The following GTPBP10 variants were observed in gnomAD, a reference collection of about 807,000 sequenced individuals.
GTPBP10 encodes GTP binding protein 10.
In GTPBP10, 38 loss-of-function variants were observed where a neutral mutation model predicts 44.8. The observed-to-expected ratio is 0.85, with a 90% CI of 0.65 to 1.11. The LOEUF is 1.11. Among genes scored for constraint, GTPBP10 ranks in the 50% most tolerant of loss-of-function variants. The pLI, the probability that GTPBP10 is intolerant of heterozygous loss-of-function variation, is 0.00. For synonymous variants in GTPBP10, 152 were observed against 150.6 expected, an observed-to-expected ratio of 1.01 and a Z score of -0.07; for missense variants, 462 against 453.7, an observed-to-expected ratio of 1.02 and a Z score of -0.17.
chr7:90,352,359 G>T (rs757237980), intron 1 of GTPBP10, among the ~76,000 whole-genome samples: 15 of 152,210 alleles, frequency 9.9e-5, no homozygotes, highest in Non-Finnish European at 1.8e-4. Flanking sequence ...CAACTGATAT[G>T]TAAGAACAAG....
intron 8 of GTPBP10, among the ~76,000 whole-genome samples, chr7:90,381,796 G>T (rs1382078553): frequency 2.0e-5 from 3 of 152,100 alleles, no homozygotes; most frequent in South Asian, 4.1e-4. Flanking sequence ...AAGGTACCTA[G>T]AACACACAGT....
At chr7:90,367,970 G>A (rs900847360) in intron 4 of GTPBP10, among the ~76,000 whole-genome samples, 1 of 152,154 alleles carries the variant, frequency 6.6e-6, no homozygotes, top group South Asian at 2.1e-4. Flanking sequence ...TTGTAAGGCA[G>A]GCCTGGTGTT....
chr7:90,350,818 A>G (rs946861668), intron 1 of GTPBP10, among the ~76,000 whole-genome samples: 2 of 152,196 alleles, frequency 1.3e-5, no homozygotes, highest in African/African-American at 4.8e-5. Context: ...CATCGCAGCT[A>G]CAGATTTTAA....
Position 90,354,453 on chromosome 7 carries a change from G to T in GTPBP10, c.228-5G>T. 4.0e-6 allele frequency: 6 copies of T among 1,489,164 alleles called. No individual in the cohort carries two copies. The Admixed American group carries it at 6.3e-5, about 16-fold the overall frequency. The allele number at this position is 1,489,164 out of a possible 1,614,324, so 92.2% of individuals were successfully genotyped here. On this transcript the variant is annotated splice_polypyrimidine_tract_variant and splice_region_variant and intron_variant, in intron 2 of 9. Coordinates refer to ENST00000222511, the MANE Select transcript of GTPBP10 (RefSeq NM_033107.4). ...ACATACATATATATACTTTTTTTTT[G>T]GTAGAATTAGTGCACTGAAAGGCTC...
chr7:90,355,235 G>T lies in GTPBP10; in HGVS notation c.464+5G>T. ...AGCTGATGTAGGCCTAGTAGGGTAAGTATCGTTCATATTTTTATTATTATA... is the reference window on the plus strand; with the variant it reads ...AGCTGATGTAGGCCTAGTAGGGTAATTATCGTTCATATTTTTATTATTATA... On this transcript the variant is annotated splice_donor_5th_base_variant and intron_variant, in intron 4 of 9. Coordinates refer to ENST00000222511, the MANE Select transcript of GTPBP10 (RefSeq NM_033107.4). 6.6e-7 allele frequency: 1 copy of T among 1,508,106 alleles called. No individual in the cohort carries two copies. Among genetic ancestry groups the T allele is most frequent in the Non-Finnish European group, 8.9e-7 (1 of 1,120,758 alleles). 93.4% of individuals were successfully genotyped at this position (1,508,106 alleles called of 1,614,324 possible). A position where few individuals can be genotyped will look rare whatever the true frequency, so the allele number is the denominator to read the frequency against.
intron 4 of GTPBP10, among the ~76,000 whole-genome samples, chr7:90,364,813 G>T (rs956892883): frequency 5.9e-5 from 9 of 152,148 alleles, no homozygotes; most frequent in Non-Finnish European, 1.3e-4. Context: ...ACCTACTCAA[G>T]CCTCAGCAAT....
intron 4 of GTPBP10, among the ~76,000 whole-genome samples, chr7:90,357,058 T>C (rs1230439931): frequency 6.6e-6 from 1 of 152,218 alleles, no homozygotes; most frequent in Non-Finnish European, 1.5e-5. Context: ...TAAGTAGATA[T>C]CCTTTTAGCT....
At chr7:90,347,790 T>C (rs1489736754) in intron 1 of GTPBP10, among the ~76,000 whole-genome samples, 7 of 152,202 alleles carry the variant, frequency 4.6e-5, no homozygotes, top group Admixed American at 2.0e-4. Context: ...TTAGAAAATA[T>C]GACGTTTAGG....
chr7:90,352,969 C>T lies in GTPBP10; in HGVS notation c.187C>T (p.Pro63Ser), dbSNP rs1562953318. 1.2e-6 allele frequency: 2 copies of T among 1,611,792 alleles called. No homozygotes were observed. The highest frequency in any genetic ancestry group is 1.3e-5 in the African/African-American group (1 of 74,796). The change falls in exon 2 of 10, where the codon CCT becomes TCT. Residue 63 changes from proline (P) to serine (S), a missense_variant. By Grantham distance (74) the Pro-to-Ser change is moderately conservative. Coordinates refer to ENST00000222511, the MANE Select transcript of GTPBP10 (RefSeq NM_033107.4). ...TTTAAAACAACTTAAAGACAGGTAT[C>T]CTCGGAAACGGTTTGTGGCTGGAGT... ...MTLKQLKDRY[P>S]RKRFVAGVGA...
chr7:90,347,047 C>T (rs17863986), intron 1 of GTPBP10, among the ~76,000 whole-genome samples: 5,184 of 152,214 alleles, frequency 0.034, 124 homozygotes, highest in South Asian at 0.057. Context: ...ACTGGGATAC[C>T]TGCCTGCTGT....
In GTPBP10 at chr7:90,353,004, C is replaced by A; in HGVS notation, c.222C>A (p.Asn74Lys). 6.4e-7 allele frequency: 1 copy of A among 1,574,500 alleles called. No individual in the cohort carries two copies. Among genetic ancestry groups the A allele is most frequent in the Non-Finnish European group, 8.6e-7 (1 of 1,157,052 alleles). Residue 74 changes from asparagine to lysine, a missense_variant, in exon 2 of 10, where the codon AAC becomes AAA. Physicochemically the swap from Asn to Lys is moderately conservative, Grantham distance 94 (BLOSUM62 0). Transcript: ENST00000222511. ...GGTTTGTGGCTGGAGTAGGAGCAAA[C>A]AGCAAGTAAGTAATTACTGAATGAC... ...RKRFVAGVGA[N>K]SKISALKGSK...
At chr7:90,369,720 C>T (rs1017426339) in intron 4 of GTPBP10, among the ~76,000 whole-genome samples, 6 of 152,186 alleles carry the variant, frequency 3.9e-5, no homozygotes, top group Admixed American at 2.0e-4. Context: ...CAGGTACAGA[C>T]TGTCACGACT....
At chr7:90,370,777 G>A (rs189933350) in intron 4 of GTPBP10, among the ~76,000 whole-genome samples, 91 of 152,264 alleles carry the variant, frequency 6.0e-4, no homozygotes, top group African/African-American at 2.1e-3. Flanking sequence ...AGGCCAAGGT[G>A]GGCAGATCAC....
Position 90,377,707 on chromosome 7 carries a change from A to G in GTPBP10, c.699+93A>G, listed in dbSNP as rs1796364432. 7 of 773,668 alleles carry G rather than the reference A, an allele frequency of 9.0e-6. No homozygotes were observed. In the South Asian group the frequency reaches 1.5e-4, roughly 17 times the overall value. 47.9% of individuals were successfully genotyped at this position (773,668 alleles called of 1,614,324 possible). ...ATTTTTTTATAAATAAGAAAGTGGTAGCATATGTTACTCCACTAAGTCTTT... is the reference window on the plus strand; with the variant it reads ...ATTTTTTTATAAATAAGAAAGTGGTGGCATATGTTACTCCACTAAGTCTTT... On this transcript the variant is annotated intron_variant, in intron 7 of 9. Transcript: ENST00000222511.
chr7:90,369,786 A>G (rs1796221488), intron 4 of GTPBP10, among the ~76,000 whole-genome samples: 1 of 152,100 alleles, frequency 6.6e-6, no homozygotes, highest in African/African-American at 2.4e-5. Flanking sequence ...GGGTGAAGCA[A>G]CGCCCCACCC....
intron 2 of GTPBP10, 103 bp downstream of exon 2, chr7:90,353,112 T>G: frequency 1.4e-6 from 1 of 717,866 alleles, no homozygotes; most frequent in East Asian, 2.8e-5. Context: ...TGAAGTAAAT[T>G]ATTTCCTGTA....
At chr7:90,358,120 A>G (rs1795942015) in intron 4 of GTPBP10, among the ~76,000 whole-genome samples, 1 of 152,218 alleles carries the variant, frequency 6.6e-6, no homozygotes, top group South Asian at 2.1e-4. Context: ...ACAAATCAAT[A>G]GCACTGCTAT....
chr7:90,352,671 G>T, intron 1 of GTPBP10, 145 bp from the exon 2 acceptor site: 1 of 555,178 alleles, frequency 1.8e-6, no homozygotes, highest in Non-Finnish European at 3.1e-6. Context: ...ATGTGGAGGT[G>T]AGCTAAGAAA....
chr7:90,374,427 T>C, intron 6 of GTPBP10, 73 bp downstream of exon 6: 1 of 965,336 alleles, frequency 1.0e-6, no homozygotes, highest in South Asian at 1.4e-5. Context: ...TTGGATATTA[T>C]AGTTTTTGCC....
Sources: allele counts gnomAD v4.1 joint callset (sites outside exome capture counted in the v4.1 genomes callset), GRCh38; gene constraint gnomAD v4.1.1; transcripts MANE v1.5; gene names NCBI Gene and HGNC (gene_info 2026-07-23, HGNC 2026-07-21).